The following PIK3C2B variants were observed in gnomAD, a reference collection of about 807,000 sequenced individuals.
PIK3C2B encodes phosphatidylinositol 4-phosphate 3-kinase C2 domain-containing subunit beta.
Under a neutral mutation model 184.3 loss-of-function variants are expected in PIK3C2B, and 83 were observed. The observed-to-expected ratio is 0.45, with a 90% CI of 0.38 to 0.54. The LOEUF is 0.54. PIK3C2B is among the 20% of genes least tolerant of loss of function. PIK3C2B has a pLI of 0.00. For missense variants in PIK3C2B, 1,736 were observed against 2,113.5 expected (o/e 0.82, Z 3.50); for synonymous variants, 779 against 837.6 (o/e 0.93, Z 1.21).
At position 204,431,786 on chromosome 1, in the gene PIK3C2B, A is replaced by G. The variant is rs1675076084; in HGVS notation, c.4163T>C (p.Val1388Ala). The G allele has an allele frequency of 1.2e-6, 2 of 1,614,010 alleles. No individual in the cohort carries two copies. Among genetic ancestry groups the G allele is most frequent in the Admixed American group, 1.7e-5 (1 of 59,992 alleles). ...AGTGTTCTCTCGCATCACCTTTACC[A>G]CATATATCTGCAAAGGTCCAGATCT... Reference protein sequence around the residue: ...IFHPNKGYIYVVKVMRENTHE... With the variant: ...IFHPNKGYIYAVKVMRENTHE... Residue 1388 changes from valine (V) to alanine (A), a missense_variant, in exon 28 of 33, where the codon GTG becomes GCG. This residue lies in a region of PIK3C2B where 200 missense variants were observed against 199.1 expected (regional missense o/e 1.00). Transcript: ENST00000684373.
chr1:204,424,926 G>A lies in PIK3C2B; in HGVS notation c.4831C>T (p.Leu1611=), dbSNP rs1674667089. The stretch of plus-strand genomic sequence containing the variant: ...TCCTGAGCCAGGTCCAGCTCTCGCA[G>A]GCGGATGTTCACCTCACCGAGGAGG... ...NVLLGEVNIR[L]RELDLAQEKT... is the part of the protein sequence containing the mutation. Residue 1611 remains leucine (L), a synonymous_variant, in exon 33 of 33, where the codon CTG becomes TTG. Coordinates refer to ENST00000684373, the MANE Select transcript of PIK3C2B (RefSeq NM_001377334.1). The A allele has an allele frequency of 1.2e-6, 2 of 1,614,228 alleles. No individual in the cohort carries two copies. The highest frequency in any genetic ancestry group is 1.7e-6 in the Non-Finnish European group (2 of 1,180,038).
Position 204,469,145 on chromosome 1 carries a change from C to T in PIK3C2B, c.658G>A (p.Gly220Arg). Residue 220 changes from glycine to arginine, a missense_variant, in exon 2 of 33, where the codon GGG becomes AGG. Coordinates refer to ENST00000684373, the MANE Select transcript of PIK3C2B (RefSeq NM_001377334.1). Reference sequence around the variant, plus strand: ...TAGTCCACAGACCCCAGTAGGCGCCCCTGACCCCCACCTCCCAGCACCTCT... The same window carrying T: ...TAGTCCACAGACCCCAGTAGGCGCCTCTGACCCCCACCTCCCAGCACCTCT... ...EEEVLGGGGQGRLLGSVDYDG... is the reference protein window; with the variant it reads ...EEEVLGGGGQRRLLGSVDYDG... 1.9e-6 allele frequency: 3 copies of T among 1,614,170 alleles called. No individual in the cohort carries two copies. Among genetic ancestry groups the T allele is most frequent in the Non-Finnish European group, 2.5e-6 (3 of 1,180,012 alleles).
rs1675071105 is a variant in PIK3C2B at position 204,431,735 on chromosome 1, G to T, written c.4214C>A (p.Thr1405Asn). 2.5e-6 allele frequency: 4 copies of T among 1,614,142 alleles called. No homozygotes were observed. The highest frequency in any genetic ancestry group is 1.1e-5 in the South Asian group (1 of 91,076). ...GTGTAATTCCTGGAACTCCTCAAAG[G>T]TCCGCTGGATGTAGGTGGCCTCGTG... is the stretch of plus-strand genomic sequence containing the variant. Reference protein sequence around the residue: ...NTHEATYIQRTFEEFQELHNK... With the variant: ...NTHEATYIQRNFEEFQELHNK... The change falls in exon 28 of 33, where the codon ACC becomes AAC. Residue 1405 changes from threonine (T) to asparagine (N), a missense_variant. Coordinates refer to ENST00000684373, the MANE Select transcript of PIK3C2B (RefSeq NM_001377334.1).
rs780121143 is a variant in PIK3C2B, at chr1:204,447,621, C to A, written c.2347-43G>T. On this transcript the variant is annotated intron_variant, in intron 14 of 32. Coordinates refer to ENST00000684373, the MANE Select transcript of PIK3C2B (RefSeq NM_001377334.1). This position sits in a 1 kb window ranked among gnomAD's most constrained non-coding sequence, Gnocchi z 4.1. Reference sequence around the variant, plus strand: ...GGATGTGAGGAGAGAAAACAGGCAGCGTGTGTGGACTCCCAGCTTCTTTCT... The same window carrying A: ...GGATGTGAGGAGAGAAAACAGGCAGAGTGTGTGGACTCCCAGCTTCTTTCT... 2 of 1,451,200 alleles carry A rather than the reference C, an allele frequency of 1.4e-6. No individual in the cohort carries two copies. The highest frequency in any genetic ancestry group is 2.3e-5 in the South Asian group (2 of 86,844). The allele number at this position is 1,451,200 out of a possible 1,614,324, so 89.9% of individuals were successfully genotyped here. A position where few individuals can be genotyped will look rare whatever the true frequency, so the allele number is the denominator to read the frequency against.
At chr1:204,475,213 A>G (rs987082361) in intron 1 of PIK3C2B, among the ~76,000 whole-genome samples, 3 of 152,112 alleles carry the variant, frequency 2.0e-5, no homozygotes, top group East Asian at 1.9e-4. Flanking sequence ...TGATTTCTCT[A>G]TAAGACTCTC....
chr1:204,449,121 G>C (rs1654125390), intron 14 of PIK3C2B, 64 bp downstream of exon 14: 1 of 1,176,896 alleles, frequency 8.5e-7, no homozygotes, highest in African/African-American at 1.5e-5. Context: ...ATCTCCAGGA[G>C]AAAAATGTAG....
chr1:204,458,517 G>A (rs531929982), intron 8 of PIK3C2B, among the ~76,000 whole-genome samples: 7 of 146,346 alleles, frequency 4.8e-5, no homozygotes, highest in South Asian at 2.2e-4. Context: ...TTTTTGAGAC[G>A]GAGTCTTGCT....
intron 1 of PIK3C2B, among the ~76,000 whole-genome samples, chr1:204,483,389 CA>C (rs10578144): frequency 0.29 from 42,638 of 147,078 alleles, 6,097 homozygotes; most frequent in African/African-American, 0.33. Context: ...AACCCTGACT[CA>C]AAAAAAAAAA....
In PIK3C2B at chr1:204,447,230, G is replaced by A. The variant is rs895102695; in HGVS notation, c.2489+206C>T. ...CCAAGTCCCTGGGGTGGGGACTTGG[G>A]TATTCTCAGATCTAATTTCCTGACC... On this transcript the variant is annotated intron_variant, in intron 15 of 32. Transcript: ENST00000684373. The surrounding 1 kb of genome is among the most constrained non-coding windows in gnomAD (Gnocchi z 4.1). 1.3e-5 allele frequency among the ~76,000 whole-genome samples: 2 copies of A among 152,050 alleles called. No individual in the cohort carries two copies. The highest frequency in any genetic ancestry group is 1.9e-4 in the East Asian group (1 of 5,178).
At chr1:204,464,664 T>C in intron 3 of PIK3C2B, 60 bp from the exon 4 acceptor site, 1 of 1,522,196 alleles carries the variant, frequency 6.6e-7, no homozygotes, top group Non-Finnish European at 9.0e-7. Context: ...CAAGAAGACA[T>C]CTGTTGGGAA....
At chr1:204,432,487 C>T in intron 26 of PIK3C2B, 86 bp from the exon 27 acceptor site, 2 of 986,706 alleles carry the variant, frequency 2.0e-6, no homozygotes, top group Non-Finnish European at 3.1e-6. Context: ...ATATTCCTGA[C>T]TCCTGAGACT....
chr1:204,489,147 TTTATTA>T (rs562004701), intron 1 of PIK3C2B, among the ~76,000 whole-genome samples: 22 of 151,910 alleles, frequency 1.4e-4, no homozygotes, highest in Non-Finnish European at 2.4e-4. Flanking sequence ...GTACAAGCTC[TTTATTA>T]TTATTATTAT....
At position 204,424,731 on chromosome 1, in the gene PIK3C2B, G is replaced by A. The variant is rs1674653435; in HGVS notation, c.*121C>T. The stretch of plus-strand genomic sequence containing the variant: ...CCTACCACAGAGGCCAGAATCACCT[G>A]GACCGAGCTGGAGGCCTGCCCAGGG... On this transcript the variant is annotated 3_prime_UTR_variant, in exon 33 of 33. Transcript: ENST00000684373. 3 of 944,122 alleles carry A rather than the reference G, an allele frequency of 3.2e-6. No individual in the cohort carries two copies. The highest frequency in any genetic ancestry group is 4.8e-5 in the East Asian group (2 of 41,940). 58.5% of individuals were successfully genotyped at this position (944,122 alleles called of 1,614,324 possible). A position where few individuals can be genotyped will look rare whatever the true frequency, so the allele number is the denominator to read the frequency against.
In PIK3C2B at chr1:204,425,629, G is replaced by A; in HGVS notation, c.4700C>T (p.Pro1567Leu). 1 of 1,614,080 alleles carries A rather than the reference G, an allele frequency of 6.2e-7. No individual in the cohort carries two copies. The highest frequency in any genetic ancestry group is 8.5e-7 in the Non-Finnish European group (1 of 1,179,998). ...KTKVARKTCN[P>L]TYNEMLVYDG... ...CCCACCCACCATCTCATTGTAGGTA[G>A]GATTGCAGGTTTTCCGGGCCACTTT... Residue 1567 changes from proline to leucine, a missense_variant, in exon 32 of 33, where the codon CCT becomes CTT. Pro to Leu is a moderately conservative substitution (Grantham distance 98). Around this residue, in one of 8 missense-constraint regions of PIK3C2B, gnomAD observed 95 missense variants for 164.2 expected, o/e 0.58. Coordinates refer to ENST00000684373, the MANE Select transcript of PIK3C2B (RefSeq NM_001377334.1).
chr1:204,433,946 G>C lies in PIK3C2B; in HGVS notation c.3690C>G (p.Asp1230Glu). 6.2e-7 allele frequency: 1 copy of C among 1,613,616 alleles called. No homozygotes were observed. The highest frequency in any genetic ancestry group is 8.5e-7 in the Non-Finnish European group (1 of 1,179,748). The change falls in exon 25 of 33, where the codon GAC (aspartate) becomes GAG (glutamate). Residue 1230 changes from aspartate (D) to glutamate (E), a missense_variant. Physicochemically the swap from Asp to Glu is conservative, Grantham distance 45. This residue lies in a region of PIK3C2B where 119 missense variants were observed against 179.3 expected (regional missense o/e 0.66). Coordinates refer to ENST00000684373, the MANE Select transcript of PIK3C2B (RefSeq NM_001377334.1). This position sits in a 1 kb window ranked among gnomAD's most constrained non-coding sequence, Gnocchi z 5.0. ...CCGAGGTGAAGACAAAGGGGGCACG[G>C]TCCCTGAGCCAAGGGGAACATACAG... Reference protein sequence around the residue: ...HAQMFGNIKRDRAPFVFTSDM... With the variant: ...HAQMFGNIKRERAPFVFTSDM...
rs1387897331 is a variant in PIK3C2B at position 204,447,551 on chromosome 1, T to C, written c.2374A>G (p.Ile792Val). The C allele has an allele frequency of 1.2e-6, 2 of 1,610,278 alleles. No homozygotes were observed. The highest frequency in any genetic ancestry group is 2.2e-5 in the East Asian group (1 of 44,790). The change falls in exon 15 of 33, where the codon ATC (isoleucine) becomes GTC (valine). Residue 792 changes from isoleucine to valine, a missense_variant. By Grantham distance (29) the Ile-to-Val change is conservative. Around this residue, in one of 8 missense-constraint regions of PIK3C2B, gnomAD observed 609 missense variants for 699.2 expected, o/e 0.87. Transcript: ENST00000684373. The surrounding 1 kb of genome is among the most constrained non-coding windows in gnomAD (Gnocchi z 4.1). ...QIDFPTSAFDIKFTSPPGDKF... is the reference protein window; with the variant it reads ...QIDFPTSAFDVKFTSPPGDKF... Reference sequence around the variant, plus strand: ...TCTCCAGGGGGGCTGGTGAACTTGATGTCAAAGGCCGAGGTGGGGAAGTCA... The same window carrying C: ...TCTCCAGGGGGGCTGGTGAACTTGACGTCAAAGGCCGAGGTGGGGAAGTCA...
chr1:204,480,645 A>G (rs1336682088), intron 1 of PIK3C2B, among the ~76,000 whole-genome samples: 2 of 151,942 alleles, frequency 1.3e-5, no homozygotes, highest in Non-Finnish European at 2.9e-5. Context: ...ACTGCCTGTA[A>G]GCCTGGGTGC....
chr1:204,486,407 A>G (rs969564309), intron 1 of PIK3C2B, among the ~76,000 whole-genome samples: 2 of 151,114 alleles, frequency 1.3e-5, no homozygotes, highest in African/African-American at 2.4e-5. Context: ...AAAAAAAAAA[A>G]AAAAGAAAAC....
chr1:204,432,404 G>C lies in PIK3C2B; in HGVS notation c.3954-3C>G. 1.2e-6 allele frequency: 2 copies of C among 1,613,532 alleles called. No homozygotes were observed. The highest frequency in any genetic ancestry group is 1.7e-6 in the Non-Finnish European group (2 of 1,179,602). ...TGCCCAGGCTGGACTCAATCAACCT[G>C]GCAGGAGGATAAGAAAAGAGGATAT... On this transcript the variant is annotated splice_polypyrimidine_tract_variant and splice_region_variant and intron_variant, in intron 26 of 32. Coordinates refer to ENST00000684373, the MANE Select transcript of PIK3C2B (RefSeq NM_001377334.1).
Sources: gnomAD v4.1 joint callset for allele counts (sites outside exome capture counted in the v4.1 genomes callset) on GRCh38, gnomAD v4.1.1 for gene constraint, gnomAD v4.1.1 regional missense constraint, Gnocchi (gnomAD v3.1) non-coding constraint, MANE v1.5 for transcripts, NCBI Gene and HGNC (gene_info 2026-07-23, HGNC 2026-07-21) for gene names.